GCN1: variants seen among roughly 807,000 people sequenced by gnomAD.
GCN1 encodes the protein stalled ribosome sensor GCN1.
A neutral mutation model predicts 288.4 loss-of-function variants in GCN1; 90 were observed. That is an observed-to-expected ratio of 0.31 (90% CI 0.26 to 0.37). The LOEUF is 0.37. GCN1 is among the 10% of genes least tolerant of loss of function. GCN1 has a pLI of 1.00. For missense variants in GCN1, 2,586 were observed against 3,419.9 expected (o/e 0.76, Z 6.08); for synonymous variants, 1,386 against 1,420.2 (o/e 0.98, Z 0.54).
chr12:120,179,160 T>C (rs984177766), intron 5 of GCN1, among the ~76,000 whole-genome samples: 1 of 152,310 alleles, frequency 6.6e-6, no homozygotes, highest in East Asian at 1.9e-4. Flanking sequence ...CTAGTGTTCG[T>C]TTAATAAATA....
In GCN1 at chr12:120,156,360, C is replaced by T. The variant is rs1877746317; in HGVS notation, c.3312+101G>A. The T allele has an allele frequency of 1.7e-6, 2 of 1,210,852 alleles. No homozygotes were observed. The highest frequency in any genetic ancestry group is 1.5e-5 in the African/African-American group (1 of 67,628). 75.0% of individuals were successfully genotyped at this position (1,210,852 alleles called of 1,614,324 possible). ...ACTTCTTCTCTTTGCCTCTAGGCCT[C>T]CCACCAGAGTGAGGGACATTCTCTC... On this transcript the variant is annotated intron_variant, in intron 28 of 57. Transcript: ENST00000300648. The surrounding 1 kb of genome is among the most constrained non-coding windows in gnomAD (Gnocchi z 5.8).
intron 53 of GCN1, among the ~76,000 whole-genome samples, chr12:120,133,227 G>A (rs1419649954): frequency 1.3e-5 from 2 of 152,130 alleles, no homozygotes; most frequent in Non-Finnish European, 2.9e-5. Flanking sequence ...GTGTGTCAAT[G>A]ACGTGTAAAA....
At chr12:120,180,137 T>C (rs1024412128) in intron 5 of GCN1, among the ~76,000 whole-genome samples, 13 of 151,956 alleles carry the variant, frequency 8.6e-5, no homozygotes, top group African/African-American at 3.1e-4. Flanking sequence ...AGAAACCTCA[T>C]CTCTACTAAA....
intron 45 of GCN1, among the ~76,000 whole-genome samples, chr12:120,140,109 C>T (rs1008616545): frequency 6.6e-6 from 1 of 152,174 alleles, no homozygotes; most frequent in Non-Finnish European, 1.5e-5. Context: ...AAAAACCAAA[C>T]GTAAGACAAA....
Position 120,158,469 on chromosome 12 carries a change from C to A in GCN1, c.2896G>T (p.Gly966Trp), listed in dbSNP as rs1356931799. The change falls in exon 25 of 58, where the codon GGG becomes TGG. Residue 966 changes from glycine to tryptophan, a missense_variant. Gly to Trp is a radical substitution (Grantham distance 184). Transcript: ENST00000300648. This position sits in a 1 kb window ranked among gnomAD's most constrained non-coding sequence, Gnocchi z 4.3. ...THTITSRVGKGEPGAAPLSAP... is the reference protein window; with the variant it reads ...THTITSRVGKWEPGAAPLSAP... ...CCGTCCCAGCCCTTACCTGGCTCCC[C>A]CTTGCCCACCCTGCTGGTGATGGTG... is the stretch of plus-strand genomic sequence containing the variant. 1.3e-6 allele frequency: 2 copies of A among 1,551,962 alleles called. No homozygotes were observed. Among genetic ancestry groups the A allele is most frequent in the African/African-American group, 1.4e-5 (1 of 73,282 alleles).
At chr12:120,140,126 T>C (rs1251734284) in intron 45 of GCN1, among the ~76,000 whole-genome samples, 1 of 152,156 alleles carries the variant, frequency 6.6e-6, no homozygotes, top group Non-Finnish European at 1.5e-5. Context: ...CAAACATCAA[T>C]ATAGGAGAAG....
chr12:120,186,030 G>A (rs1422597754), intron 2 of GCN1, among the ~76,000 whole-genome samples: 1 of 151,600 alleles, frequency 6.6e-6, no homozygotes, highest in Non-Finnish European at 1.5e-5. Flanking sequence ...TCAACTCTTG[G>A]TTGAACAAGA....
intron 51 of GCN1, among the ~76,000 whole-genome samples, chr12:120,136,267 G>A (rs933330318): frequency 6.6e-6 from 1 of 152,180 alleles, no homozygotes; most frequent in Admixed American, 6.5e-5. Context: ...CATTGTAGGT[G>A]AGGAAACAGG....
At chr12:120,131,111 A>G in intron 55 of GCN1, 74 bp downstream of exon 55, 1 of 1,385,734 alleles carries the variant, frequency 7.2e-7, no homozygotes, top group Non-Finnish European at 1.0e-6. Flanking sequence ...TCTGGGGTCC[A>G]CCCGCGCTGT....
At position 120,162,912 on chromosome 12, in the gene GCN1, C is replaced by T. The variant is rs369744175; in HGVS notation, c.2098G>A (p.Ala700Thr). Residue 700 changes from alanine (A) to threonine (T), a missense_variant, in exon 20 of 58, where the codon GCC becomes ACC. By Grantham distance (58) the Ala-to-Thr change is moderately conservative (BLOSUM62 0). Transcript: ENST00000300648. ...TGATCCAGGTGCCTGGTGATAAAGG[C>T]TTCAGGATCGATCTTCATCCTGGCA... is the stretch of plus-strand genomic sequence containing the variant. ...LLARMKIDPEAFITRHLDQII... is the reference protein window; with the variant it reads ...LLARMKIDPETFITRHLDQII... 51 of 1,614,060 alleles carry T rather than the reference C, an allele frequency of 3.2e-5. No individual in the cohort carries two copies. The highest frequency in any genetic ancestry group is 4.2e-5 in the Non-Finnish European group (49 of 1,180,020).
intron 39 of GCN1, 85 bp downstream of exon 39, chr12:120,145,177 A>C: frequency 6.4e-7 from 1 of 1,552,128 alleles, no homozygotes; most frequent in Non-Finnish European, 8.8e-7. Flanking sequence ...ACAGACACAA[A>C]AGCAGCTTTG....
At chr12:120,133,592 G>C (rs1179250274) in intron 53 of GCN1, among the ~76,000 whole-genome samples, 1 of 152,104 alleles carries the variant, frequency 6.6e-6, no homozygotes, top group Non-Finnish European at 1.5e-5. Flanking sequence ...GTGACCACGA[G>C]GTCTATGCAC....
At position 120,150,906 on chromosome 12, in the gene GCN1, T is replaced by C. The variant is rs543797420; in HGVS notation, c.4309+239A>G. On this transcript the variant is annotated intron_variant, in intron 34 of 57. Coordinates refer to ENST00000300648, the MANE Select transcript of GCN1 (RefSeq NM_006836.2). ...GAGCCAAGATCACGCCACTGCACTC[T>C]AGCCTGGGCGACAGAGCGAGACTCC... Among the ~76,000 whole-genome samples the C allele has an allele frequency of 6.0e-5, 9 of 150,654 alleles. No individual in the cohort carries two copies. The East Asian group carries it at 7.8e-4, about 13-fold the overall frequency.
chr12:120,160,223 C>A lies in GCN1; in HGVS notation c.2469G>T (p.Glu823Asp). Residue 823 changes from glutamate to aspartate, a missense_variant, in exon 23 of 58, where the codon GAG becomes GAT. Glu to Asp is a conservative substitution (Grantham distance 45). Around this residue, in one of 8 missense-constraint regions of GCN1, gnomAD observed 913 missense variants for 1,107.0 expected, o/e 0.82. Transcript: ENST00000300648. Reference protein sequence around the residue: ...EIKKKKGIKEEVQLTSKQKEM... With the variant: ...EIKKKKGIKEDVQLTSKQKEM... ...CCTTCTGCTTGCTGGTCAGCTGCACCTCCTCTTTGATGCCTTTCTTCTTCT... is the reference window on the plus strand; with the variant it reads ...CCTTCTGCTTGCTGGTCAGCTGCACATCCTCTTTGATGCCTTTCTTCTTCT... 1 of 1,612,362 alleles carries A rather than the reference C, an allele frequency of 6.2e-7. No individual in the cohort carries two copies. Among genetic ancestry groups the A allele is most frequent in the Non-Finnish European group, 8.5e-7 (1 of 1,179,836 alleles).
chr12:120,129,588 A>T, intron 56 of GCN1, 94 bp from the exon 57 acceptor site: 2 of 920,000 alleles, frequency 2.2e-6, no homozygotes, highest in Non-Finnish European at 3.5e-6. Context: ...TCCCTACAGC[A>T]TGAACACTGA....
In GCN1 at chr12:120,194,699, C is replaced by G. The variant is rs899021295; in HGVS notation, c.-2G>C. On this transcript the variant is annotated 5_prime_UTR_variant, in exon 1 of 58. Coordinates refer to ENST00000300648, the MANE Select transcript of GCN1 (RefSeq NM_006836.2). ...CCTCACCTGCGTGTCCGCCGCCATC[C>G]TGCCGGGGCTGACTCCGGAACCGCT... 3 of 1,510,672 alleles carry G rather than the reference C, an allele frequency of 2.0e-6. No individual in the cohort carries two copies. In the African/African-American group the frequency reaches 4.3e-5, roughly 22 times the overall value. The allele number at this position is 1,510,672 out of a possible 1,614,324, so 93.6% of individuals were successfully genotyped here.
intron 19 of GCN1, 26 bp from the exon 20 acceptor site, chr12:120,162,997 G>A (rs1254432562): frequency 1.2e-6 from 2 of 1,613,952 alleles, no homozygotes; most frequent in Admixed American, 1.7e-5. Context: ...GCTCTTTGAG[G>A]CCTTCTGCCT....
chr12:120,164,834 G>A, intron 16 of GCN1, 113 bp from the exon 17 acceptor site: 1 of 620,566 alleles, frequency 1.6e-6, no homozygotes, highest in Non-Finnish European at 2.8e-6. Context: ...AAATATAAAT[G>A]TGATTATCAC....
chr12:120,190,210 G>C (rs1462207116), intron 2 of GCN1, 88 bp downstream of exon 2: 10 of 709,808 alleles, frequency 1.4e-5, no homozygotes, highest in Non-Finnish European at 2.3e-5. Flanking sequence ...GGGCAACAGT[G>C]AGAGACTCTG....
Sources: gnomAD v4.1 joint callset for allele counts (sites outside exome capture counted in the v4.1 genomes callset) on GRCh38, gnomAD v4.1.1 for gene constraint, gnomAD v4.1.1 regional missense constraint, Gnocchi (gnomAD v3.1) non-coding constraint, MANE v1.5 for transcripts, NCBI Gene and HGNC (gene_info 2026-07-23, HGNC 2026-07-21) for gene names.